SLC24A4: variants seen among roughly 807,000 people sequenced by gnomAD.
The protein encoded by SLC24A4 is solute carrier family 24 member 4, also known as sodium/potassium/calcium exchanger 4.
Under a neutral mutation model 79.0 loss-of-function variants are expected in SLC24A4, and 53 were observed. That is an observed-to-expected ratio of 0.67 (90% CI 0.54 to 0.84). SLC24A4 has a LOEUF of 0.84. Among genes scored for constraint, SLC24A4 ranks in the 40% least tolerant of loss-of-function variants. The pLI is 0.00. For synonymous variants in SLC24A4, 323 were observed against 323.8 expected (o/e 1.00, Z 0.03); for missense variants, 731 against 822.0 (o/e 0.89, Z 1.35).
At chr14:92,448,974 C>A in intron 9 of SLC24A4, 100 bp from the exon 10 acceptor site, 1 of 1,438,098 alleles carries the variant, frequency 7.0e-7, no homozygotes, top group Non-Finnish European at 9.6e-7. Context: ...CACTCCTGGG[C>A]TGTGCTGACT....
At chr14:92,358,368 AG>A (rs1436202851) in intron 2 of SLC24A4, among the ~76,000 whole-genome samples, 1 of 152,142 alleles carries the variant, frequency 6.6e-6, no homozygotes, top group East Asian at 1.9e-4. Context: ...TGGCTGTTAG[AG>A]AGCACAAGTG....
At chr14:92,428,084 C>A (rs1206059278) in intron 2 of SLC24A4, among the ~76,000 whole-genome samples, 1 of 152,224 alleles carries the variant, frequency 6.6e-6, no homozygotes, top group African/African-American at 2.4e-5. Flanking sequence ...TAAGCTACCC[C>A]AGTTTATGAT....
intron 2 of SLC24A4, among the ~76,000 whole-genome samples, chr14:92,351,329 G>A (rs948844575): frequency 7.9e-5 from 12 of 152,048 alleles, no homozygotes; most frequent in African/African-American, 2.9e-4. Context: ...AGCAGGACAG[G>A]CTGGGCTTCA....
At chr14:92,463,278 T>C (rs1893919183) in intron 12 of SLC24A4, among the ~76,000 whole-genome samples, 1 of 152,138 alleles carries the variant, frequency 6.6e-6, no homozygotes, top group Admixed American at 6.5e-5. Flanking sequence ...CCTTTTAAGC[T>C]CAGAAGGCGG....
chr14:92,388,924 C>T (rs1357888706), intron 2 of SLC24A4, among the ~76,000 whole-genome samples: 1 of 152,186 alleles, frequency 6.6e-6, no homozygotes, highest in Non-Finnish European at 1.5e-5. Flanking sequence ...CCCTAGAACC[C>T]CAGTCCAGAC....
intron 2 of SLC24A4, among the ~76,000 whole-genome samples, chr14:92,367,520 G>A (rs941856668): frequency 6.6e-6 from 1 of 152,228 alleles, no homozygotes; most frequent in African/African-American, 2.4e-5. Context: ...CTGGGAAGAT[G>A]AGATTTGAGG....
intron 8 of SLC24A4, 108 bp from the exon 9 acceptor site, chr14:92,447,263 G>C (rs966897241): frequency 1.1e-6 from 1 of 936,758 alleles, no homozygotes; most frequent in Non-Finnish European, 1.7e-6. Flanking sequence ...CACTAGGGGC[G>C]GGGGAGGTAA....
In SLC24A4 at chr14:92,496,541, T is replaced by C. The variant is rs1202499658; in HGVS notation, c.*2913T>C. 6.6e-6 allele frequency: 1 copy of C among 152,080 alleles called. No homozygotes were observed. Among genetic ancestry groups the C allele is most frequent in the African/African-American group, 2.4e-5 (1 of 41,398 alleles). 9.4% of individuals were successfully genotyped at this position (152,080 alleles called of 1,614,324 possible). ...TATAGACACAGGAGCAGGTGGTTCC[T>C]GTGGACTTCTGGTTTGGAATTTTGC... On this transcript the variant is annotated 3_prime_UTR_variant, in exon 17 of 17. Coordinates refer to ENST00000532405, the MANE Select transcript of SLC24A4 (RefSeq NM_153646.4).
chr14:92,466,872 A>G (rs1894159241), intron 12 of SLC24A4, among the ~76,000 whole-genome samples: 1 of 152,242 alleles, frequency 6.6e-6, no homozygotes, highest in Admixed American at 6.5e-5. Context: ...TCAGTCACTG[A>G]ATTTCACCAA....
intron 2 of SLC24A4, among the ~76,000 whole-genome samples, chr14:92,358,147 A>G (rs1460355724): frequency 2.0e-5 from 3 of 152,212 alleles, no homozygotes; most frequent in Non-Finnish European, 2.9e-5. Context: ...TGCTTGCTTC[A>G]GTTCTACCTA....
intron 2 of SLC24A4, among the ~76,000 whole-genome samples, chr14:92,326,921 T>C (rs1334771938): frequency 6.6e-6 from 1 of 152,206 alleles, no homozygotes; most frequent in Non-Finnish European, 1.5e-5. Context: ...GGGAAGGCTG[T>C]GTTGGGGACT....
chr14:92,349,044 A>G (rs1353992964), intron 2 of SLC24A4, among the ~76,000 whole-genome samples: 1 of 152,132 alleles, frequency 6.6e-6, no homozygotes, highest in African/African-American at 2.4e-5. Context: ...CTTCACAAAC[A>G]AAAAGGGGAA....
chr14:92,460,041 C>T lies in SLC24A4; in HGVS notation c.1255+3433C>T, dbSNP rs1238762927. ...GGGGAGGAATCACAGGGCCAGGGGC[C>T]GCGGGAAGAGGGGGAAGCCACCCTG... On this transcript the variant is annotated intron_variant, in intron 12 of 16. Coordinates refer to ENST00000532405, the MANE Select transcript of SLC24A4 (RefSeq NM_153646.4). Among the ~76,000 whole-genome samples, 7 of 152,132 alleles carry T rather than the reference C, an allele frequency of 4.6e-5. No homozygotes were observed. In the South Asian group the frequency reaches 8.3e-4, roughly 18 times the overall value.
intron 2 of SLC24A4, among the ~76,000 whole-genome samples, chr14:92,367,217 CCTG>C (rs1170426046): frequency 6.6e-6 from 1 of 152,194 alleles, no homozygotes; most frequent in Non-Finnish European, 1.5e-5. Flanking sequence ...AACATGCCGG[CCTG>C]AGCTCTGCGC....
intron 11 of SLC24A4, 113 bp from the exon 12 acceptor site, chr14:92,456,291 T>G: frequency 2.0e-6 from 2 of 994,140 alleles, no homozygotes; most frequent in Non-Finnish European, 3.1e-6. Context: ...GTCCCCAGGG[T>G]TGTTGTTCTA....
chr14:92,435,069 C>T lies in SLC24A4; in HGVS notation c.318+1081C>T, dbSNP rs112686189. Among the ~76,000 whole-genome samples the T allele has an allele frequency of 9.8e-5, 15 of 152,296 alleles. 1 individual carries two copies. The highest frequency in any genetic ancestry group is 2.2e-4 in the African/African-American group (9 of 41,564). On this transcript the variant is annotated intron_variant, in intron 3 of 16. Transcript: ENST00000532405. Reference sequence around the variant, plus strand: ...GACTACAGGTGTGAGCCACCGTCCCCGGCCCACTTAAAGTATTTTAAACTT... The same window carrying T: ...GACTACAGGTGTGAGCCACCGTCCCTGGCCCACTTAAAGTATTTTAAACTT...
intron 12 of SLC24A4, among the ~76,000 whole-genome samples, chr14:92,464,995 T>C (rs1894024492): frequency 6.6e-6 from 1 of 152,114 alleles, no homozygotes; most frequent in East Asian, 1.9e-4. Context: ...GTGCCTGACA[T>C]CTTCTATTCA....
rs905935661 is a variant in SLC24A4, at chr14:92,439,367, G to A, written c.351G>A (p.Val117=). ...ATATGTTCTATGCCTTGGCCATAGT[G>A]TGCGATGACTTCTTTGTTCCGTCTC... ...ALYMFYALAI[V]CDDFFVPSLE... Residue 117 remains valine (V), a synonymous_variant, in exon 4 of 17, where the codon GTG becomes GTA. Coordinates refer to ENST00000532405, the MANE Select transcript of SLC24A4 (RefSeq NM_153646.4). The A allele has an allele frequency of 6.2e-7, 1 of 1,613,326 alleles. No individual in the cohort carries two copies. Among genetic ancestry groups the A allele is most frequent in the Non-Finnish European group, 8.5e-7 (1 of 1,179,332 alleles).
chr14:92,390,371 TC>T (rs1473274974), intron 2 of SLC24A4, among the ~76,000 whole-genome samples: 1 of 152,126 alleles, frequency 6.6e-6, no homozygotes, highest in Non-Finnish European at 1.5e-5. Flanking sequence ...CCACTTGGTT[TC>T]ATCAGCCTGT....
Sources: gnomAD v4.1 joint callset for allele counts (sites outside exome capture counted in the v4.1 genomes callset) on GRCh38, gnomAD v4.1.1 for gene constraint, MANE v1.5 for transcripts, NCBI Gene and HGNC (gene_info 2026-07-23, HGNC 2026-07-21) for gene names.